PROK2: variants seen among roughly 807,000 people sequenced by gnomAD.
The protein encoded by PROK2 is prokineticin-2.
Under a neutral mutation model 14.2 loss-of-function variants are expected in PROK2, and 8 were observed. The observed-to-expected ratio is 0.56, with a 90% confidence interval of 0.33 to 1.02. The LOEUF is 1.02. Ranked by LOEUF, PROK2 falls within the 50% of genes least tolerant of loss-of-function variation. The pLI, the probability that PROK2 is intolerant of heterozygous loss-of-function variation, is 0.03. For missense variants in PROK2, 154 were observed against 160.4 expected, an observed-to-expected ratio of 0.96 and a Z score of 0.22; for synonymous variants, 59 against 60.7, an observed-to-expected ratio of 0.97 and a Z score of 0.13.
At chr3:71,775,193 G>A (rs1040668623) in intron 2 of PROK2, among the ~76,000 whole-genome samples, 2 of 152,226 alleles carry the variant, frequency 1.3e-5, no homozygotes, top group African/African-American at 4.8e-5. Context: ...AAAGGAGCCT[G>A]AAGTGTGTCA....
At chr3:71,783,618 G>C (rs1319086427) in intron 1 of PROK2, among the ~76,000 whole-genome samples, 2 of 152,074 alleles carry the variant, frequency 1.3e-5, no homozygotes, top group African/African-American at 4.8e-5. Context: ...CCTGTGAATG[G>C]AACAAAAAGA....
intron 1 of PROK2, among the ~76,000 whole-genome samples, chr3:71,781,947 T>C (rs1228596993): frequency 6.6e-6 from 1 of 152,140 alleles, no homozygotes; most frequent in Admixed American, 6.5e-5. Context: ...ATACTACACA[T>C]GGCCATTAGG....
chr3:71,782,717 T>C (rs1177876446), intron 1 of PROK2, among the ~76,000 whole-genome samples: 1 of 152,200 alleles, frequency 6.6e-6, no homozygotes. Flanking sequence ...TTCAAAATTC[T>C]TAGTTTTGAG....
chr3:71,783,170 A>G (rs1243372776), intron 1 of PROK2, among the ~76,000 whole-genome samples: 2 of 152,156 alleles, frequency 1.3e-5, no homozygotes, highest in Non-Finnish European at 2.9e-5. Context: ...TTGAGGCCCC[A>G]TGAGCTTTTT....
intron 2 of PROK2, among the ~76,000 whole-genome samples, chr3:71,775,953 C>A (rs893021901): frequency 2.6e-5 from 4 of 152,148 alleles, no homozygotes; most frequent in Non-Finnish European, 4.4e-5. Flanking sequence ...CCCCTCACTG[C>A]CCTGCCCAGC....
intron 1 of PROK2, among the ~76,000 whole-genome samples, chr3:71,783,756 GT>G (rs2050188579): frequency 1.3e-5 from 2 of 152,122 alleles, no homozygotes; most frequent in African/African-American, 4.8e-5. Context: ...CCTGCAAAAA[GT>G]TTTTCTCAAC....
chr3:71,775,238 TACAA>T (rs1197578371), intron 2 of PROK2, among the ~76,000 whole-genome samples: 1 of 152,174 alleles, frequency 6.6e-6, no homozygotes, highest in Non-Finnish European at 1.5e-5. Flanking sequence ...GTTAAACTGT[TACAA>T]ACAGAGATCA....
At chr3:71,781,373 T>G in intron 2 of PROK2, 94 bp downstream of exon 2, 1 of 1,486,578 alleles carries the variant, frequency 6.7e-7, no homozygotes. Flanking sequence ...TCATTTTGTT[T>G]GTCGAGCACG....
At chr3:71,779,891 G>A (rs755784653) in intron 2 of PROK2, among the ~76,000 whole-genome samples, 63 of 152,174 alleles carry the variant, frequency 4.1e-4, no homozygotes, top group Non-Finnish European at 6.9e-4. Flanking sequence ...ATTACAGTGT[G>A]AGCCACTATG....
chr3:71,784,419 T>C (rs1195507516), intron 1 of PROK2, among the ~76,000 whole-genome samples: 1 of 152,200 alleles, frequency 6.6e-6, no homozygotes, highest in East Asian at 1.9e-4. Context: ...CTCCCACAAT[T>C]GCTTTTCAAA....
chr3:71,772,410 C>A lies in PROK2; in HGVS notation c.*314G>T, dbSNP rs928019286. 7.0e-6 allele frequency: 2 copies of A among 284,216 alleles called. No individual in the cohort carries two copies. The highest frequency in any genetic ancestry group is 8.1e-5 in the East Asian group (1 of 12,372). 17.6% of individuals were successfully genotyped at this position (284,216 alleles called of 1,614,324 possible). ...AGTTTTTCTAACAAAATATCAAATT[C>A]TTATTTTCCTCATTTTTGTGAAAAT... On this transcript the variant is annotated 3_prime_UTR_variant, in exon 4 of 4. Coordinates refer to ENST00000295619, the MANE Select transcript of PROK2 (RefSeq NM_001126128.2).
chr3:71,781,540 A>G lies in PROK2; in HGVS notation c.149T>C (p.Ile50Thr). Residue 50 changes from isoleucine (I) to threonine (T), a missense_variant, in exon 2 of 4, where the codon ATC becomes ACC. By Grantham distance (89) the Ile-to-Thr change is moderately conservative. Coordinates refer to ENST00000295619, the MANE Select transcript of PROK2 (RefSeq NM_001126128.2). ...GCAAATCCTTATGCTCTTGACCCAGATACTGACAGCACAGCACATGCCTCC... is the reference window on the plus strand; with the variant it reads ...GCAAATCCTTATGCTCTTGACCCAGGTACTGACAGCACAGCACATGCCTCC... ...CGGGMCCAVS[I>T]WVKSIRICTP... 6.2e-7 allele frequency: 1 copy of G among 1,613,072 alleles called. No individual in the cohort carries two copies. Among genetic ancestry groups the G allele is most frequent in the East Asian group, 2.2e-5 (1 of 44,866 alleles).
Position 71,772,593 on chromosome 3 carries a change from T to TA in PROK2, c.*130dup. The TA allele has an allele frequency of 1.3e-6, 1 of 785,362 alleles. No homozygotes were observed. Among genetic ancestry groups the TA allele is most frequent in the Non-Finnish European group, 2.2e-6 (1 of 465,030 alleles). The allele number at this position is 785,362 out of a possible 1,614,324, so 48.6% of individuals were successfully genotyped here. ...AAAAAAATCATTTACAAATCAAAGA[T>TA]AAAAATGTTACTTGGAAAGTTGAGG... On this transcript the variant is annotated 3_prime_UTR_variant, in exon 4 of 4. Coordinates refer to ENST00000295619, the MANE Select transcript of PROK2 (RefSeq NM_001126128.2).
At chr3:71,773,131 C>G (rs1199251613) in intron 3 of PROK2, among the ~76,000 whole-genome samples, 2 of 152,284 alleles carry the variant, frequency 1.3e-5, no homozygotes, top group South Asian at 4.1e-4. Context: ...AGGTGCATGC[C>G]ACCACGCCCA....
intron 2 of PROK2, among the ~76,000 whole-genome samples, chr3:71,778,208 TAAATAAAATA>T (rs376252819): frequency 5.9e-5 from 9 of 151,368 alleles, no homozygotes; most frequent in South Asian, 2.1e-4. Flanking sequence ...AAAAAATAAA[TAAATAAAATA>T]AAATAAAATA....
At chr3:71,784,623 C>G (rs1559628040) in intron 1 of PROK2, among the ~76,000 whole-genome samples, 1 of 152,166 alleles carries the variant, frequency 6.6e-6, no homozygotes. Context: ...TGAGAAGACT[C>G]AGAGAGAAAC....
At position 71,772,700 on chromosome 3, in the gene PROK2, C is replaced by G. The variant is rs372217370; in HGVS notation, c.*24G>C. The G allele has an allele frequency of 6.3e-7, 1 of 1,589,344 alleles. No individual in the cohort carries two copies. Among genetic ancestry groups the G allele is most frequent in the South Asian group, 1.1e-5 (1 of 90,540 alleles). ...TTTACAGGTAAGATGTGGCTATTCA[C>G]ATTTGGTTTCTACTCCAGAGCGATT... On this transcript the variant is annotated 3_prime_UTR_variant, in exon 4 of 4. Transcript: ENST00000295619.
chr3:71,774,193 C>T (rs2050101218), intron 3 of PROK2, among the ~76,000 whole-genome samples: 2 of 152,232 alleles, frequency 1.3e-5, no homozygotes, highest in African/African-American at 4.8e-5. Flanking sequence ...GGCCACCCCA[C>T]ATCAATGATC....
Position 71,772,441 on chromosome 3 carries a change from C to T in PROK2, c.*283G>A, listed in dbSNP as rs1365696132. The T allele has an allele frequency of 8.8e-6, 3 of 342,690 alleles. No homozygotes were observed. Among genetic ancestry groups the T allele is most frequent in the Admixed American group, 4.5e-5 (1 of 22,276 alleles). 21.2% of individuals were successfully genotyped at this position (342,690 alleles called of 1,614,324 possible). ...TTCCTCATTTTTGTGAAAATGGGTA[C>T]GTTTTTGACATTTAAGAAAAAAGCC... On this transcript the variant is annotated 3_prime_UTR_variant, in exon 4 of 4. Transcript: ENST00000295619.
Sources: allele counts gnomAD v4.1 joint callset (sites outside exome capture counted in the v4.1 genomes callset), GRCh38; gene constraint gnomAD v4.1.1; transcripts MANE v1.5; gene names NCBI Gene and HGNC (gene_info 2026-07-23, HGNC 2026-07-21).